CDH13: variants seen among roughly 807,000 people sequenced by gnomAD.
The protein encoded by CDH13 is cadherin 13, also known as cadherin-13.
CDH13 carries 24 observed loss-of-function variants against 63.8 expected under a neutral mutation model. That is an observed-to-expected ratio of 0.38 (90% confidence interval 0.27 to 0.53). The LOEUF is 0.53. Among genes scored for constraint, CDH13 ranks in the 20% least tolerant of loss-of-function variants. CDH13 has a pLI of 0.85. For missense variants in CDH13, 1,049 were observed against 903.1 expected, an observed-to-expected ratio of 1.16 and a Z score of -2.07; for synonymous variants, 503 against 355.3, an observed-to-expected ratio of 1.42 and a Z score of -4.67.
At position 83,713,318 on chromosome 16, in the gene CDH13, C is replaced by T. The variant is rs1044236259; in HGVS notation, c.1539-34790C>T. On this transcript the variant is annotated intron_variant, in intron 10 of 13. Coordinates refer to ENST00000567109, the MANE Select transcript of CDH13 (RefSeq NM_001257.5). Reference sequence around the variant, plus strand: ...TCCACCAGGGAGCTCACCTCATCTTCTGCCATTGGCCTCCCACCCCACATT... The same window carrying T: ...TCCACCAGGGAGCTCACCTCATCTTTTGCCATTGGCCTCCCACCCCACATT... Among the ~76,000 whole-genome samples, 3 of 152,328 alleles carry T rather than the reference C, an allele frequency of 2.0e-5. No homozygotes were observed. The South Asian group carries it at 6.2e-4, about 32-fold the overall frequency.
intron 1 of CDH13, among the ~76,000 whole-genome samples, chr16:82,748,911 T>A (rs1444392734): frequency 6.6e-6 from 1 of 152,226 alleles, no homozygotes; most frequent in Non-Finnish European, 1.5e-5. Context: ...CTGCACCTAG[T>A]TGGCCAATCA....
intron 7 of CDH13, among the ~76,000 whole-genome samples, chr16:83,534,671 G>T (rs887036351): frequency 2.6e-5 from 4 of 152,194 alleles, no homozygotes; most frequent in Non-Finnish European, 4.4e-5. Context: ...TTTCATAGCT[G>T]AATAGTATTC....
In CDH13 at chr16:82,950,007, A is replaced by G. The variant is rs535856464; in HGVS notation, c.158-82003A>G. On this transcript the variant is annotated intron_variant, in intron 2 of 13. Coordinates refer to ENST00000567109, the MANE Select transcript of CDH13 (RefSeq NM_001257.5). ...CAATGGTTAGTATCAAGCAGGTAAG[A>G]AAAGGGAAGAAAGAAGATTGTTGAG... is the stretch of plus-strand genomic sequence containing the variant. Among the ~76,000 whole-genome samples, 7 of 152,182 alleles carry G rather than the reference A, an allele frequency of 4.6e-5. No homozygotes were observed. The South Asian group carries it at 1.0e-3, about 23-fold the overall frequency.
At chr16:83,775,079 C>G (rs1435755632) in intron 11 of CDH13, among the ~76,000 whole-genome samples, 1 of 151,732 alleles carries the variant, frequency 6.6e-6, no homozygotes, top group East Asian at 1.9e-4. Context: ...AAGACTCAAG[C>G]TATGTAATAA....
chr16:83,712,545 A>C (rs1018732672), intron 10 of CDH13, among the ~76,000 whole-genome samples: 2 of 152,236 alleles, frequency 1.3e-5, no homozygotes, highest in African/African-American at 4.8e-5. Context: ...ATTTGATTTC[A>C]TGTTTTCAGG....
chr16:83,621,486 T>C (rs554352458), intron 8 of CDH13, among the ~76,000 whole-genome samples: 91 of 119,226 alleles, frequency 7.6e-4, no homozygotes, highest in African/African-American at 2.8e-3. Context: ...TTTTTTTTTT[T>C]TTTTTTTTTT....
chr16:82,939,065 C>T (rs561180878), intron 2 of CDH13, among the ~76,000 whole-genome samples: 1 of 152,278 alleles, frequency 6.6e-6, no homozygotes, highest in South Asian at 2.1e-4. Flanking sequence ...AAGTGGGGTG[C>T]AGTCTGAGGA....
chr16:83,280,331 T>C (rs1444961699), intron 5 of CDH13, among the ~76,000 whole-genome samples: 3 of 152,266 alleles, frequency 2.0e-5, no homozygotes, highest in African/African-American at 7.2e-5. Flanking sequence ...AGGTTCCATC[T>C]TGAGAAATGT....
intron 3 of CDH13, 97 bp downstream of exon 3, chr16:83,032,315 A>G: frequency 1.1e-6 from 1 of 897,136 alleles, no homozygotes; most frequent in Non-Finnish European, 1.7e-6. Flanking sequence ...ATGTTGGCTA[A>G]GATTCCTTTT....
rs549535636 is a variant in CDH13 at position 83,497,044 on chromosome 16, C to T, written c.960+10389C>T. Among the ~76,000 whole-genome samples, 18 of 152,280 alleles carry T rather than the reference C, an allele frequency of 1.2e-4. No homozygotes were observed. In the South Asian group the frequency reaches 1.7e-3, roughly 14 times the overall value. ...TGGAGAGGATGTGGAGAAATAGGAA[C>T]GCTTTTACACTGTTGGTGGGACTGT... On this transcript the variant is annotated intron_variant, in intron 7 of 13. Coordinates refer to ENST00000567109, the MANE Select transcript of CDH13 (RefSeq NM_001257.5).
At chr16:83,133,300 C>T (rs2036138997) in intron 4 of CDH13, among the ~76,000 whole-genome samples, 1 of 152,160 alleles carries the variant, frequency 6.6e-6, no homozygotes, top group African/African-American at 2.4e-5. Flanking sequence ...AAAAGCTTAT[C>T]ACACGAACAC....
intron 1 of CDH13, among the ~76,000 whole-genome samples, chr16:82,635,792 G>T (rs1421947266): frequency 6.6e-6 from 1 of 152,214 alleles, no homozygotes; most frequent in East Asian, 1.9e-4. Flanking sequence ...GTGAAGCCCA[G>T]TGGGAGGTGA....
At chr16:82,853,140 T>G (rs144298610) in intron 1 of CDH13, among the ~76,000 whole-genome samples, 2 of 152,268 alleles carry the variant, frequency 1.3e-5, no homozygotes, top group South Asian at 2.1e-4. Context: ...GCTGCTACTT[T>G]AAAGGATGCT....
chr16:83,744,923 G>C (rs1432118392), intron 10 of CDH13, among the ~76,000 whole-genome samples: 1 of 152,222 alleles, frequency 6.6e-6, no homozygotes, highest in Non-Finnish European at 1.5e-5. Context: ...GGGGGAAGCA[G>C]CAGAGGGTGA....
At chr16:82,965,715 A>G (rs1038977419) in intron 2 of CDH13, among the ~76,000 whole-genome samples, 3 of 152,062 alleles carry the variant, frequency 2.0e-5, no homozygotes, top group African/African-American at 4.8e-5. Context: ...CTGGTCTCAA[A>G]CTACTGACCT....
intron 5 of CDH13, among the ~76,000 whole-genome samples, chr16:83,294,487 T>G (rs1217936678): frequency 2.0e-5 from 3 of 152,124 alleles, no homozygotes; most frequent in Non-Finnish European, 4.4e-5. Context: ...AATGAGACTA[T>G]GTGGTATTTG....
intron 10 of CDH13, among the ~76,000 whole-genome samples, chr16:83,702,746 G>A (rs1389863965): frequency 6.6e-6 from 1 of 152,172 alleles, no homozygotes; most frequent in Non-Finnish European, 1.5e-5. Context: ...CTCCAGAGCT[G>A]AGCAGGTGGC....
rs2031554859 is a variant in CDH13 at position 83,061,589 on chromosome 16, G to A, written c.366+29371G>A. 8.5e-5 allele frequency among the ~76,000 whole-genome samples: 13 copies of A among 152,268 alleles called. 1 individual carries two copies. The South Asian group carries it at 2.5e-3, about 29-fold the overall frequency. ...ATGTCCTGAATGACCAGCAGCAGAG[G>A]ATTCAGGGCACCCAATGCAAAATTG... On this transcript the variant is annotated intron_variant, in intron 3 of 13. Transcript: ENST00000567109.
chr16:83,333,986 A>G (rs913610755), intron 5 of CDH13, among the ~76,000 whole-genome samples: 4 of 152,274 alleles, frequency 2.6e-5, no homozygotes, highest in Non-Finnish European at 5.9e-5. Context: ...GTGTCAGGGT[A>G]AAATCAAGGT....
Sources: allele counts gnomAD v4.1 joint callset (sites outside exome capture counted in the v4.1 genomes callset), GRCh38; gene constraint gnomAD v4.1.1; transcripts MANE v1.5; gene names NCBI Gene and HGNC (gene_info 2026-07-23, HGNC 2026-07-21).